A2M: variants seen among roughly 807,000 people sequenced by gnomAD.
A2M encodes C3 and PZP-like alpha-2-macroglobulin domain-containing protein 5.
A2M carries 128 observed loss-of-function variants against 183.9 expected under a neutral mutation model. The ratio of observed to expected loss-of-function variants is 0.70; its 90% CI spans 0.60 to 0.81. The LOEUF (loss-of-function observed/expected upper bound fraction) is 0.81, where lower values mean the gene tolerates loss of function less well. A2M is among the 30% of genes least tolerant of loss of function. The probability of loss-of-function intolerance (pLI) is 0.00; values close to 1 mark genes in which losing one functional copy is unlikely to be tolerated. For missense variants in A2M, 1,495 were observed against 1,787.6 expected (o/e 0.84, Z 2.95); for synonymous variants, 592 against 670.8 (o/e 0.88, Z 1.81).
intron 15 of A2M, 43 bp from the exon 16 acceptor site, chr12:9,095,743 T>TAA: frequency 1.6e-5 from 2 of 124,660 alleles, no homozygotes; most frequent in Non-Finnish European, 2.0e-5. Flanking sequence ...TATTTGTGAC[T>TAA]TTTTTTTTTT....
rs1938391436 is a variant in A2M, at chr12:9,107,564, C to T, written c.839G>A (p.Gly280Asp). Residue 280 changes from glycine (G) to aspartate (D), a missense_variant, in exon 8 of 36, where the codon GGT becomes GAT. Physicochemically the swap from Gly to Asp is moderately conservative, Grantham distance 94. Coordinates refer to ENST00000318602, the MANE Select transcript of A2M (RefSeq NM_000014.6). Reference sequence around the variant, plus strand: ...CTCACAGAAAGCCTGTGAATCTTCACCGTGGCAGTCGGAAGCGTCACTATA... The same window carrying T: ...CTCACAGAAAGCCTGTGAATCTTCATCGTGGCAGTCGGAAGCGTCACTATA... ...RKYSDASDCH[G>D]EDSQAFCEKF... 6.2e-7 allele frequency: 1 copy of T among 1,613,994 alleles called. No individual in the cohort carries two copies. The highest frequency in any genetic ancestry group is 1.3e-5 in the African/African-American group (1 of 75,050).
chr12:9,093,696 A>G, intron 17 of A2M, 117 bp from the exon 18 acceptor site: 1 of 584,070 alleles, frequency 1.7e-6, no homozygotes, highest in Non-Finnish European at 2.8e-6. Context: ...TGAAATAGAG[A>G]GGAAGGAGGA....
intron 25 of A2M, among the ~76,000 whole-genome samples, chr12:9,078,480 A>G (rs1390431411): frequency 6.6e-6 from 1 of 152,204 alleles, no homozygotes; most frequent in Non-Finnish European, 1.5e-5. Context: ...TTGTTATTGT[A>G]AATAGTGCCG....
Position 9,093,522 on chromosome 12 carries a change from G to A in A2M, c.2183C>T (p.Thr728Met), listed in dbSNP as rs777702464. 8 of 1,613,448 alleles carry A rather than the reference G, an allele frequency of 5.0e-6. No individual in the cohort carries two copies. Among genetic ancestry groups the A allele is most frequent in the South Asian group, 1.1e-5 (1 of 90,990 alleles). The change falls in exon 18 of 36, where the codon ACG becomes ATG. Residue 728 changes from threonine (T) to methionine (M), a missense_variant. By Grantham distance (81) the Thr-to-Met change is moderately conservative. Coordinates refer to ENST00000318602, the MANE Select transcript of A2M (RefSeq NM_000014.6). Reference sequence around the variant, plus strand: ...AGGGAAGTACTTTCGTACGGTCTCCGTGTGAGGCTCTTCAACATGCACCAG... The same window carrying A: ...AGGGAAGTACTTTCGTACGGTCTCCATGTGAGGCTCTTCAACATGCACCAG... The part of the protein sequence containing the change: ...ARLVHVEEPH[T>M]ETVRKYFPET...
chr12:9,075,425 A>AT (rs779321055), intron 28 of A2M, among the ~76,000 whole-genome samples: 1 of 152,092 alleles, frequency 6.6e-6, no homozygotes, highest in East Asian at 1.9e-4. Flanking sequence ...TCATTGCAGC[A>AT]TTTTTTTTAA....
At chr12:9,068,919 T>G in intron 33 of A2M, 77 bp from the exon 34 acceptor site, 1 of 1,036,466 alleles carries the variant, frequency 9.6e-7, no homozygotes, top group Non-Finnish European at 1.4e-6. Context: ...TATTCACCTG[T>G]TTTTTGGGGG....
intron 34 of A2M, 128 bp downstream of exon 34, chr12:9,068,612 C>T: frequency 1.3e-6 from 1 of 787,450 alleles, no homozygotes; most frequent in Non-Finnish European, 2.1e-6. Flanking sequence ...GGGCATCAGA[C>T]TTGATGGAGA....
chr12:9,102,759 A>G (rs1479826031), intron 11 of A2M, among the ~76,000 whole-genome samples: 1 of 152,232 alleles, frequency 6.6e-6, no homozygotes, highest in Non-Finnish European at 1.5e-5. Flanking sequence ...GAACAGGTAG[A>G]AATAATAATT....
chr12:9,097,632 C>CTTTT (rs34844537), intron 15 of A2M, among the ~76,000 whole-genome samples: 4 of 127,104 alleles, frequency 3.1e-5, no homozygotes, highest in Non-Finnish European at 3.3e-5. Flanking sequence ...TGATGTAATT[C>CTTTT]TTTTTTTTTT....
rs61730090 is a variant in A2M at position 9,074,600 on chromosome 12, G to A, written c.3716C>T (p.Thr1239Met). ...ACCGCCCTGGGCATTCTGCTGCTTC[G>A]TGATCCACTTCACGATGTTGGTTGC... The part of the protein sequence containing the change: ...TSATNIVKWI[T>M]KQQNAQGGFS... The change falls in exon 29 of 36, where the codon ACG (threonine) becomes ATG (methionine). Residue 1239 changes from threonine (T) to methionine (M), a missense_variant. Physicochemically the swap from Thr to Met is moderately conservative, Grantham distance 81. Transcript: ENST00000318602. The A allele has an allele frequency of 1.2e-4, 195 of 1,613,512 alleles. 1 individual carries two copies. In the African/African-American group the frequency reaches 2.1e-3, roughly 17 times the overall value.
At position 9,101,659 on chromosome 12, in the gene A2M, G is replaced by A. The variant is rs762632070; in HGVS notation, c.1282C>T (p.Arg428Cys). ...SLTVRVNYKD[R>C]SPCYGYQWVS... Reference sequence around the variant, plus strand: ...CACTGGTAGCCGTAACAGGGACTACGATCCTTGTAATTGACCTAATGAATT... The same window carrying A: ...CACTGGTAGCCGTAACAGGGACTACAATCCTTGTAATTGACCTAATGAATT... Residue 428 changes from arginine (R) to cysteine (C), a missense_variant, in exon 12 of 36, where the codon CGT becomes TGT. Transcript: ENST00000318602. 8.7e-6 allele frequency: 14 copies of A among 1,612,152 alleles called. No individual in the cohort carries two copies. Among genetic ancestry groups the A allele is most frequent in the African/African-American group, 2.7e-5 (2 of 74,990 alleles).
intron 16 of A2M, 42 bp from the exon 17 acceptor site, chr12:9,095,126 A>G: frequency 9.7e-7 from 1 of 1,029,460 alleles, no homozygotes; most frequent in Non-Finnish European, 1.4e-6. Flanking sequence ...TATATATTAT[A>G]AAATATACAT....
Position 9,076,939 on chromosome 12 carries a change from G to A in A2M, c.3352-3C>T, listed in dbSNP as rs1485336879. 7 of 1,574,162 alleles carry A rather than the reference G, an allele frequency of 4.4e-6. No homozygotes were observed. Among genetic ancestry groups the A allele is most frequent in the Admixed American group, 3.6e-5 (2 of 55,608 alleles). On this transcript the variant is annotated splice_region_variant and splice_polypyrimidine_tract_variant and intron_variant, in intron 27 of 35. Coordinates refer to ENST00000318602, the MANE Select transcript of A2M (RefSeq NM_000014.6). ...AGGGCATTGCGGACAACAGGGTGCT[G>A]TGAAGGCAGAACAAGAAGGGAACTA...
At position 9,112,361 on chromosome 12, in the gene A2M, G is replaced by A. The variant is rs1156677361; in HGVS notation, c.430+16C>T. The stretch of plus-strand genomic sequence containing the variant: ...TTTCCTTTTTGAAGTTGTCCTGTCT[G>A]TAGGCTTCTTCATACCTGTCTGCCC... On this transcript the variant is annotated intron_variant, in intron 3 of 35. Coordinates refer to ENST00000318602, the MANE Select transcript of A2M (RefSeq NM_000014.6). 2.5e-6 allele frequency: 4 copies of A among 1,610,622 alleles called. No individual in the cohort carries two copies. The Admixed American group carries it at 5.0e-5, about 20-fold the overall frequency.
intron 14 of A2M, among the ~76,000 whole-genome samples, chr12:9,098,978 A>T (rs1291982074): frequency 6.6e-6 from 1 of 152,158 alleles, no homozygotes; most frequent in Non-Finnish European, 1.5e-5. Flanking sequence ...ATTCTTATAA[A>T]TTACTAGTCA....
At chr12:9,080,259 G>T in intron 22 of A2M, 82 bp from the exon 23 acceptor site, 1 of 911,476 alleles carries the variant, frequency 1.1e-6, no homozygotes, top group Non-Finnish European at 1.7e-6. Context: ...CAGAAGCTAG[G>T]ACTATGCCTT....
intron 32 of A2M, among the ~76,000 whole-genome samples, 175 bp from the exon 33 acceptor site, chr12:9,069,988 A>G (rs936773621): frequency 2.0e-5 from 3 of 152,256 alleles, no homozygotes; most frequent in East Asian, 1.9e-4. Context: ...AGGGTTTACT[A>G]TTAGTATAAC....
Position 9,093,530 on chromosome 12 carries a change from C to G in A2M, c.2175G>C (p.Glu725Asp), listed in dbSNP as rs746892415. 4 of 1,613,242 alleles carry G rather than the reference C, an allele frequency of 2.5e-6. No homozygotes were observed. The highest frequency in any genetic ancestry group is 3.4e-6 in the Non-Finnish European group (4 of 1,179,632). ...ACTTTCGTACGGTCTCCGTGTGAGG[C>G]TCTTCAACATGCACCAGGCGTGCAT... ...RGHARLVHVE[E>D]PHTETVRKYF... Residue 725 changes from glutamate to aspartate, a missense_variant, in exon 18 of 36, where the codon GAG becomes GAC. Glu to Asp is a conservative substitution (Grantham distance 45, BLOSUM62 2). Transcript: ENST00000318602.
intron 19 of A2M, 31 bp from the exon 20 acceptor site, chr12:9,090,513 A>C (rs764040880): frequency 3.1e-6 from 5 of 1,608,468 alleles, no homozygotes; most frequent in Non-Finnish European, 4.3e-6. Context: ...GGGAGTAGAG[A>C]GGGAAGGAGA....
Sources: allele counts gnomAD v4.1 joint callset (sites outside exome capture counted in the v4.1 genomes callset), GRCh38; gene constraint gnomAD v4.1.1; transcripts MANE v1.5; gene names NCBI Gene and HGNC (gene_info 2026-07-23, HGNC 2026-07-21).